KDM4C: variants seen among roughly 807,000 people sequenced by gnomAD.
The protein encoded by KDM4C is lysine-specific demethylase 4C.
Under a neutral mutation model 129.3 loss-of-function variants are expected in KDM4C, and 81 were observed. The ratio of observed to expected loss-of-function variants is 0.63; its 90% CI spans 0.52 to 0.75. The LOEUF (loss-of-function observed/expected upper bound fraction) is 0.75, where lower values mean the gene tolerates loss of function less well. Among genes scored for constraint, KDM4C ranks in the 30% least tolerant of loss-of-function variants. The pLI is 0.00. For missense variants in KDM4C, 1,457 were observed against 1,304.0 expected, an observed-to-expected ratio of 1.12 and a Z score of -1.81; for synonymous variants, 573 against 456.1, an observed-to-expected ratio of 1.26 and a Z score of -3.26.
chr9:6,831,489 T>C (rs929954604), intron 4 of KDM4C, among the ~76,000 whole-genome samples: 4 of 152,122 alleles, frequency 2.6e-5, no homozygotes, highest in African/African-American at 7.2e-5. Flanking sequence ...ATTACAGGTG[T>C]GTGCCACCAC....
intron 15 of KDM4C, among the ~76,000 whole-genome samples, chr9:7,021,549 A>T (rs1311320991): frequency 6.6e-6 from 1 of 152,068 alleles, no homozygotes; most frequent in Non-Finnish European, 1.5e-5. Context: ...TTCCTTTTAT[A>T]TTCTAGTTAT....
chr9:6,804,356 C>T (rs1051052868), intron 2 of KDM4C, among the ~76,000 whole-genome samples: 2 of 152,158 alleles, frequency 1.3e-5, no homozygotes, highest in African/African-American at 4.8e-5. Context: ...GCCATGGACA[C>T]AGGTAAAAGC....
chr9:6,918,005 T>C (rs184504700), intron 8 of KDM4C, among the ~76,000 whole-genome samples: 1 of 152,230 alleles, frequency 6.6e-6, no homozygotes, highest in Non-Finnish European at 1.5e-5. Flanking sequence ...GAAAAATATC[T>C]TCTCTTTTTA....
intron 3 of KDM4C, among the ~76,000 whole-genome samples, chr9:6,807,298 C>T (rs1312010530): frequency 1.3e-5 from 2 of 151,534 alleles, no homozygotes; most frequent in African/African-American, 2.4e-5. Context: ...TCTGCCCAGC[C>T]GCCAACCCGT....
chr9:6,770,193 AAAAC>A (rs1468404732), intron 1 of KDM4C, among the ~76,000 whole-genome samples: 5 of 151,294 alleles, frequency 3.3e-5, no homozygotes, highest in African/African-American at 4.9e-5. Flanking sequence ...AAGGAAAAAC[AAAAC>A]AAACAAACAA....
intron 5 of KDM4C, among the ~76,000 whole-genome samples, chr9:6,850,702 G>GA (rs1838681596): frequency 1.3e-5 from 2 of 151,478 alleles, no homozygotes; most frequent in Admixed American, 1.3e-4. Context: ...AAAGTGGTAG[G>GA]ATTACAGGCA....
At chr9:6,764,393 A>C (rs1820204202) in intron 1 of KDM4C, among the ~76,000 whole-genome samples, 2 of 152,208 alleles carry the variant, frequency 1.3e-5, no homozygotes, top group Non-Finnish European at 2.9e-5. Context: ...CATAGTACAA[A>C]GATTTCCCTT....
intron 1 of KDM4C, among the ~76,000 whole-genome samples, chr9:6,732,184 G>A (rs1244655472): frequency 6.6e-5 from 10 of 151,468 alleles, no homozygotes; most frequent in African/African-American, 2.4e-4. Flanking sequence ...GGCTAACACA[G>A]TGAAACCCCA....
upstream of KDM4C, among the ~76,000 whole-genome samples, chr9:6,756,681 C>T (rs1818308541): frequency 6.6e-6 from 1 of 152,312 alleles, no homozygotes; most frequent in African/African-American, 2.4e-5. Context: ...AGCGCCATTG[C>T]ACTCCAAACT....
intron 2 of KDM4C, among the ~76,000 whole-genome samples, chr9:6,804,977 T>A (rs1829695965): frequency 6.6e-6 from 1 of 151,850 alleles, no homozygotes; most frequent in Non-Finnish European, 1.5e-5. Flanking sequence ...CTCAGCTCAC[T>A]GCAACCCCTG....
chr9:6,805,827 T>C (rs1041802549), intron 3 of KDM4C, 53 bp downstream of exon 3: 7 of 1,521,054 alleles, frequency 4.6e-6, no homozygotes, highest in Non-Finnish European at 6.3e-6. Flanking sequence ...TATGTAAATA[T>C]GTTAAGAAAC....
chr9:7,103,751 C>T lies in KDM4C; in HGVS notation c.2491C>T (p.Arg831Cys), dbSNP rs199870188. Reference sequence around the variant, plus strand: ...AGCCTGCATCCAGTGTTCCTACGGTCGCTGCCCGGCCTCCTTCCATGTCAC... The same window carrying T: ...AGCCTGCATCCAGTGTTCCTACGGTTGCTGCCCGGCCTCCTTCCATGTCAC... ...SGACIQCSYG[R>C]CPASFHVTCA... The change falls in exon 18 of 22, where the codon CGC becomes TGC. Residue 831 changes from arginine (R) to cysteine (C), a missense_variant. Coordinates refer to ENST00000381309, the MANE Select transcript of KDM4C (RefSeq NM_015061.6). The T allele has an allele frequency of 1.8e-5, 29 of 1,613,842 alleles. No individual in the cohort carries two copies. The highest frequency in any genetic ancestry group is 2.3e-5 in the Non-Finnish European group (27 of 1,179,938).
At chr9:6,899,783 G>A (rs1817088970) in intron 8 of KDM4C, among the ~76,000 whole-genome samples, 1 of 152,176 alleles carries the variant, frequency 6.6e-6, no homozygotes, top group Non-Finnish European at 1.5e-5. Context: ...ATATATTGCT[G>A]AAGTCTGGAG....
intron 19 of KDM4C, among the ~76,000 whole-genome samples, chr9:7,146,323 T>G (rs1842212193): frequency 6.6e-6 from 1 of 152,216 alleles, no homozygotes; most frequent in Non-Finnish European, 1.5e-5. Context: ...CGTGTTTTAT[T>G]TTTATAATCA....
At position 7,014,038 on chromosome 9, in the gene KDM4C, C is replaced by T. The variant is rs182357430; in HGVS notation, c.2182+37C>T. 5.9e-4 allele frequency: 897 copies of T among 1,520,596 alleles called. 3 individuals carry two copies. The highest frequency in any genetic ancestry group is 3.0e-3 in the Admixed American group (172 of 56,646). The allele number at this position is 1,520,596 out of a possible 1,614,324, so 94.2% of individuals were successfully genotyped here. On this transcript the variant is annotated intron_variant, in intron 14 of 21. Coordinates refer to ENST00000381309, the MANE Select transcript of KDM4C (RefSeq NM_015061.6). ...TATAATTCATCAATCACTGGCTTTT[C>T]AGCATTTCACATCATCTTTATTTCT...
At chr9:7,018,694 G>T (rs993710746) in intron 15 of KDM4C, among the ~76,000 whole-genome samples, 4 of 152,204 alleles carry the variant, frequency 2.6e-5, no homozygotes, top group African/African-American at 9.7e-5. Flanking sequence ...CATTGTCTTT[G>T]CATGGCAACC....
intron 2 of KDM4C, among the ~76,000 whole-genome samples, chr9:6,805,258 A>C (rs1182093788): frequency 6.6e-6 from 1 of 152,006 alleles, no homozygotes; most frequent in Non-Finnish European, 1.5e-5. Flanking sequence ...AAACTGTTTT[A>C]ATTAGAATTT....
chr9:7,038,618 A>G (rs1828046173), intron 15 of KDM4C, among the ~76,000 whole-genome samples: 1 of 152,034 alleles, frequency 6.6e-6, no homozygotes, highest in Admixed American at 6.6e-5. Context: ...CTCCATTATA[A>G]ACAGAAATGA....
intron 3 of KDM4C, among the ~76,000 whole-genome samples, chr9:6,808,991 C>G (rs1221692932): frequency 6.6e-6 from 1 of 151,944 alleles, no homozygotes; most frequent in Non-Finnish European, 1.5e-5. Context: ...TTTCCAAATT[C>G]CCTGGATGGG....
Sources: allele counts gnomAD v4.1 joint callset (sites outside exome capture counted in the v4.1 genomes callset), GRCh38; gene constraint gnomAD v4.1.1; transcripts MANE v1.5; gene names NCBI Gene and HGNC (gene_info 2026-07-23, HGNC 2026-07-21).